Variants in AMZ2 observed in about 807,000 individuals in gnomAD.
The protein encoded by AMZ2 is archaemetzincin-2.
Under a neutral mutation model 36.7 loss-of-function variants are expected in AMZ2, and 26 were observed. That is an observed-to-expected ratio of 0.71 (90% CI 0.52 to 0.98). The LOEUF (loss-of-function observed/expected upper bound fraction) is 0.98, where lower values mean the gene tolerates loss of function less well. Among genes scored for constraint, AMZ2 ranks in the 50% least tolerant of loss-of-function variants. The pLI is 0.00. For synonymous variants in AMZ2, 144 were observed against 149.1 expected, an observed-to-expected ratio of 0.97 and a Z score of 0.25; for missense variants, 394 against 430.5, an observed-to-expected ratio of 0.92 and a Z score of 0.75.
At chr17:68,209,620 A>ATATATATATATATATATG (rs1221082507) in intron 1 of AMZ2, among the ~76,000 whole-genome samples, 6 of 80,468 alleles carry the variant, frequency 7.5e-5, no homozygotes, top group Non-Finnish European at 1.4e-4. Context: ...GTATATATAT[A>ATATATATATATATATATG]TATATATATA....
At chr17:68,239,422 G>T (rs1253398893) in intron 1 of AMZ2, among the ~76,000 whole-genome samples, 1 of 152,106 alleles carries the variant, frequency 6.6e-6, no homozygotes, top group African/African-American at 2.4e-5. Context: ...TAAGGGCCAG[G>T]GGAAAAGCAA....
intron 1 of AMZ2, among the ~76,000 whole-genome samples, chr17:68,228,100 C>T (rs1555730339): frequency 2.6e-5 from 4 of 152,216 alleles, no homozygotes; most frequent in African/African-American, 4.8e-5. Context: ...CCTTCAAGCT[C>T]CCCTAGCCGC....
At chr17:68,251,270 A>C in intron 4 of AMZ2, 92 bp downstream of exon 4, 6 of 1,344,660 alleles carry the variant, frequency 4.5e-6, no homozygotes, top group Non-Finnish European at 6.1e-6. Flanking sequence ...ACCAAGAATC[A>C]TATTGATATT....
chr17:68,246,143 T>TA (rs1379163033), upstream of AMZ2, among the ~76,000 whole-genome samples: 19 of 98,760 alleles, frequency 1.9e-4, no homozygotes, highest in African/African-American at 6.5e-4. Context: ...CCGTCTCTAC[T>TA]AAAAATACAA....
chr17:68,224,510 A>G (rs1472819307), intron 1 of AMZ2, among the ~76,000 whole-genome samples: 1 of 151,154 alleles, frequency 6.6e-6, no homozygotes, highest in East Asian at 2.0e-4. Flanking sequence ...AAACTGCTGC[A>G]GTGCCAGGCA....
At chr17:68,256,254 T>C (rs1419630358) in intron 6 of AMZ2, among the ~76,000 whole-genome samples, 2 of 152,134 alleles carry the variant, frequency 1.3e-5, no homozygotes, top group Non-Finnish European at 2.9e-5. Context: ...TGATGTTCAT[T>C]AGGAGGAAAA....
intron 1 of AMZ2, among the ~76,000 whole-genome samples, chr17:68,228,126 C>G (rs1387954492): frequency 1.1e-4 from 17 of 152,112 alleles, no homozygotes; most frequent in Admixed American, 1.1e-3. Context: ...CATCATCTTT[C>G]CTGCCCGAGC....
chr17:68,251,403 T>C, intron 4 of AMZ2: 1 of 440,474 alleles, frequency 2.3e-6, no homozygotes, highest in Non-Finnish European at 4.0e-6. Context: ...AATACCCACA[T>C]CATGGAGTCA....
intron 1 of AMZ2, among the ~76,000 whole-genome samples, chr17:68,240,621 T>C (rs2073882708): frequency 6.6e-6 from 1 of 152,122 alleles, no homozygotes; most frequent in Non-Finnish European, 1.5e-5. Context: ...GCCTGCTAAG[T>C]GAGCCACAAA....
chr17:68,224,690 C>T (rs1174023253), intron 1 of AMZ2, among the ~76,000 whole-genome samples: 22 of 151,988 alleles, frequency 1.4e-4, no homozygotes, highest in Admixed American at 1.3e-4. Context: ...CAGAGGCGTG[C>T]GACAACATCT....
chr17:68,218,745 A>G (rs2073267159), intron 1 of AMZ2, among the ~76,000 whole-genome samples: 1 of 152,044 alleles, frequency 6.6e-6, no homozygotes, highest in African/African-American at 2.4e-5. Context: ...ATTTCCCCCC[A>G]TTACCTACTC....
chr17:68,252,536 C>T (rs761149293), intron 4 of AMZ2, among the ~76,000 whole-genome samples: 5 of 152,160 alleles, frequency 3.3e-5, no homozygotes, highest in Non-Finnish European at 7.4e-5. Context: ...CAGAGTCTCC[C>T]TCTGTCACCC....
At chr17:68,211,708 GTATATGTATA>G (rs1380052461) in intron 1 of AMZ2, among the ~76,000 whole-genome samples, 4 of 122,818 alleles carry the variant, frequency 3.3e-5, no homozygotes, top group Non-Finnish European at 7.3e-5. Context: ...ATGTATATAT[GTATATGTATA>G]TATATGTATA....
At chr17:68,245,447 A>G (rs564520551), upstream of AMZ2, among the ~76,000 whole-genome samples, 27 of 148,452 alleles carry the variant, frequency 1.8e-4, no homozygotes, top group Admixed American at 2.7e-4. Flanking sequence ...GGGTCTCCCT[A>G]TGTTGACCAG....
intron 1 of AMZ2, among the ~76,000 whole-genome samples, chr17:68,214,672 T>C (rs1406941344): frequency 2.0e-5 from 3 of 152,196 alleles, no homozygotes; most frequent in African/African-American, 7.2e-5. Flanking sequence ...TCCTTTTTAG[T>C]TGGAGATCAG....
At chr17:68,220,373 A>G (rs548733817) in intron 1 of AMZ2, among the ~76,000 whole-genome samples, 1 of 152,030 alleles carries the variant, frequency 6.6e-6, no homozygotes, top group Non-Finnish European at 1.5e-5. Flanking sequence ...CGGTCATCAC[A>G]TGTGTAACTA....
intron 6 of AMZ2, among the ~76,000 whole-genome samples, chr17:68,256,111 T>C (rs2074886292): frequency 6.6e-6 from 1 of 152,246 alleles, no homozygotes; most frequent in Admixed American, 6.5e-5. Flanking sequence ...GTTTCTTTGC[T>C]TCTCTTCCAT....
intron 1 of AMZ2, among the ~76,000 whole-genome samples, chr17:68,228,916 G>A (rs1479708682): frequency 6.6e-6 from 1 of 152,238 alleles, no homozygotes; most frequent in Middle Eastern, 3.2e-3. Context: ...TGTGTGTGTA[G>A]TATCCTGGCC....
chr17:68,209,630 ATATTT>A (rs2072972591), intron 1 of AMZ2, among the ~76,000 whole-genome samples: 1 of 98,484 alleles, frequency 1.0e-5, no homozygotes, highest in African/African-American at 4.8e-5. Context: ...ATATATATAT[ATATTT>A]TTTTTTTTTT....
Sources: gnomAD v4.1 joint callset for allele counts (sites outside exome capture counted in the v4.1 genomes callset) on GRCh38, gnomAD v4.1.1 for gene constraint, MANE v1.5 for transcripts, NCBI Gene and HGNC (gene_info 2026-07-23, HGNC 2026-07-21) for gene names.